The following CFAP251 variants were observed in gnomAD, a reference collection of about 807,000 sequenced individuals.
The protein encoded by CFAP251 is cilia and flagella associated protein 251, also known as cilia- and flagella-associated protein 251.
CFAP251 carries 93 observed loss-of-function variants against 126.7 expected under a neutral mutation model. The ratio of observed to expected loss-of-function variants is 0.73; its 90% confidence interval spans 0.62 to 0.87. CFAP251 has a LOEUF of 0.87. CFAP251 is among the 40% of genes least tolerant of loss of function. CFAP251 has a pLI of 0.00. For missense variants in CFAP251, 1,287 were observed against 1,389.2 expected (o/e 0.93, Z 1.17); for synonymous variants, 503 against 506.9 (o/e 0.99, Z 0.10).
intron 3 of CFAP251, among the ~76,000 whole-genome samples, chr12:121,924,954 C>G (rs185844128): frequency 1.2e-4 from 18 of 151,924 alleles, no homozygotes; most frequent in Admixed American, 1.1e-3. Context: ...GCTTCCTCTC[C>G]CTCTTCTTCC....
In CFAP251 at chr12:121,958,946, C is replaced by A; in HGVS notation, c.1985C>A (p.Ala662Asp). The change falls in exon 13 of 22, where the codon GCC becomes GAC. Residue 662 changes from alanine (A) to aspartate (D), a missense_variant. Coordinates refer to ENST00000288912, the MANE Select transcript of CFAP251 (RefSeq NM_144668.6). The part of the protein sequence containing the change: ...VQSLTYNPEG[A>D]LLGAGFTEGT... The stretch of plus-strand genomic sequence containing the variant: ...GTTCTCTGGCTTGTCATTTCAGGAG[C>A]CCTTCTTGGAGCTGGCTTTACAGAG... 6.3e-7 allele frequency: 1 copy of A among 1,581,216 alleles called. No individual in the cohort carries two copies. Among genetic ancestry groups the A allele is most frequent in the South Asian group, 1.2e-5 (1 of 84,780 alleles).
intron 19 of CFAP251, chr12:121,992,316 G>A (rs1882894695): frequency 1.0e-6 from 1 of 985,426 alleles, no homozygotes; most frequent in Non-Finnish European, 1.2e-6. Flanking sequence ...GGAAGGAAAT[G>A]TCAGTGATGC....
rs1880354655 is a variant in CFAP251 at position 121,924,979 on chromosome 12, C to T, written c.747+989C>T. Among the ~76,000 whole-genome samples the T allele has an allele frequency of 2.6e-5, 4 of 151,742 alleles. No homozygotes were observed. The Admixed American group carries it at 2.6e-4, about 10-fold the overall frequency. ...CCTCTTCTTCCCTTCCCTCTTCTTC[C>T]CCTCCCCTCTCCTTTCCCTTTTCTC... On this transcript the variant is annotated intron_variant, in intron 3 of 21. Transcript: ENST00000288912.
rs972820941 is a variant in CFAP251 at position 121,918,990 on chromosome 12, G to A, written c.-21+295G>A. ...AAGAGGCTCGGTGGTGAGAGCCCTAGACTTGATTCAGAGCAGTGATTTTTC... is the reference window on the plus strand; with the variant it reads ...AAGAGGCTCGGTGGTGAGAGCCCTAAACTTGATTCAGAGCAGTGATTTTTC... On this transcript the variant is annotated intron_variant, in intron 1 of 21. Transcript: ENST00000288912. This position sits in a 1 kb window ranked among gnomAD's most constrained non-coding sequence, Gnocchi z 4.3. Among the ~76,000 whole-genome samples, 2 of 152,110 alleles carry A rather than the reference G, an allele frequency of 1.3e-5. No homozygotes were observed. The highest frequency in any genetic ancestry group is 4.1e-4 in the South Asian group (2 of 4,828).
At chr12:121,967,646 A>G (rs187821244) in intron 16 of CFAP251, among the ~76,000 whole-genome samples, 31 of 152,286 alleles carry the variant, frequency 2.0e-4, no homozygotes, top group Non-Finnish European at 3.7e-4. Context: ...AGTTTGCAGT[A>G]AGCCGAGATC....
At chr12:121,939,618 G>A (rs936265614) in intron 5 of CFAP251, among the ~76,000 whole-genome samples, 1 of 150,814 alleles carries the variant, frequency 6.6e-6, no homozygotes, top group Admixed American at 6.6e-5. Flanking sequence ...AAATTTCACA[G>A]TAAAGCATAT....
rs1258384463 is a variant in CFAP251 at position 121,942,577 on chromosome 12, G to C, written c.1042G>C (p.Gly348Arg). 1 of 1,613,770 alleles carries C rather than the reference G, an allele frequency of 6.2e-7. No homozygotes were observed. The highest frequency in any genetic ancestry group is 8.5e-7 in the Non-Finnish European group (1 of 1,180,008). Residue 348 changes from glycine (G) to arginine (R), a missense_variant, in exon 6 of 22, where the codon GGC becomes CGC. Transcript: ENST00000288912. ...TIFDSCPEGN[G>R]IMAMAMTHDA... ...ATTTGACAGCTGCCCTGAAGGGAAT[G>C]GCATCATGGCCATGGCCATGACCCA...
rs374552548 is a variant in CFAP251, at chr12:121,959,122, A to T, written c.2133+28A>T. 1.2e-5 allele frequency: 19 copies of T among 1,554,058 alleles called. No individual in the cohort carries two copies. The African/African-American group carries it at 2.6e-4, about 21-fold the overall frequency. On this transcript the variant is annotated intron_variant, in intron 13 of 21. Coordinates refer to ENST00000288912, the MANE Select transcript of CFAP251 (RefSeq NM_144668.6). ...AAGTATTTTCATGGACAACCCATCC[A>T]GTGGCTTAGCAATTTTATTTGAAAC... is the stretch of plus-strand genomic sequence containing the variant.
intron 1 of CFAP251, 91 bp from the exon 2 acceptor site, chr12:121,921,195 T>G: frequency 7.3e-7 from 1 of 1,362,538 alleles, no homozygotes; most frequent in Non-Finnish European, 9.9e-7. Flanking sequence ...AACAGAGCCA[T>G]TTATGCACAT....
chr12:121,967,186 T>C, intron 16 of CFAP251, 117 bp downstream of exon 16: 1 of 862,420 alleles, frequency 1.2e-6, no homozygotes, highest in Non-Finnish European at 1.9e-6. Context: ...CCCAACTGCT[T>C]CCACCCCAGT....
At chr12:121,921,142 C>A in intron 1 of CFAP251, 144 bp from the exon 2 acceptor site, 1 of 932,208 alleles carries the variant, frequency 1.1e-6, no homozygotes, top group East Asian at 2.8e-5. Flanking sequence ...AGCCACCGTG[C>A]CTGGTCAGAA....
intron 17 of CFAP251, chr12:121,972,128 T>C (rs991409451): frequency 1.2e-5 from 2 of 166,510 alleles, no homozygotes; most frequent in Admixed American, 6.0e-5. Context: ...TATAGTACAT[T>C]GGTACCAGTA....
chr12:121,968,799 C>G (rs1358693307), intron 17 of CFAP251: 1 of 647,216 alleles, frequency 1.5e-6, no homozygotes, highest in Non-Finnish European at 1.9e-6. Context: ...CTGTAAAGAT[C>G]AGGTAGTTTA....
At chr12:121,985,300 G>A (rs12814610) in intron 19 of CFAP251, among the ~76,000 whole-genome samples, 1 of 152,030 alleles carries the variant, frequency 6.6e-6, no homozygotes, top group Non-Finnish European at 1.5e-5. Flanking sequence ...TTGGGAGGCC[G>A]AGGTGGGAGG....
At chr12:121,960,827 C>T in intron 14 of CFAP251, 69 bp downstream of exon 14, 1 of 1,539,266 alleles carries the variant, frequency 6.5e-7, no homozygotes. Flanking sequence ...TCCCTGGCAT[C>T]TTGCATAGAG....
At chr12:122,000,010 T>G in intron 20 of CFAP251, 66 bp downstream of exon 20, 1 of 1,429,140 alleles carries the variant, frequency 7.0e-7, no homozygotes, top group Non-Finnish European at 9.7e-7. Context: ...GAACTGAGTT[T>G]GGGGAGCCAG....
rs1400761922 is a variant in CFAP251 at position 121,923,047 on chromosome 12, G to C, written c.379-575G>C. 3.3e-5 allele frequency among the ~76,000 whole-genome samples: 5 copies of C among 151,960 alleles called. No homozygotes were observed. The East Asian group carries it at 9.7e-4, about 29-fold the overall frequency. ...CCTGACCTCGTGATCTGCCCGCCTCGGCCTCCCAAAGTGCTGGGATTACAG... is the reference window on the plus strand; with the variant it reads ...CCTGACCTCGTGATCTGCCCGCCTCCGCCTCCCAAAGTGCTGGGATTACAG... On this transcript the variant is annotated intron_variant, in intron 2 of 21. Coordinates refer to ENST00000288912, the MANE Select transcript of CFAP251 (RefSeq NM_144668.6).
chr12:121,958,349 T>G lies in CFAP251; in HGVS notation c.1808T>G (p.Val603Gly). Reference protein sequence around the residue: ...TDGTKLEKLFVEPKDAICAIS... With the variant: ...TDGTKLEKLFGEPKDAICAIS... ...GGGACCAAACTTGAGAAGTTATTTGTAGAGCCCAAGGATGCCATTTGTGCC... is the reference window on the plus strand; with the variant it reads ...GGGACCAAACTTGAGAAGTTATTTGGAGAGCCCAAGGATGCCATTTGTGCC... Residue 603 changes from valine (V) to glycine (G), a missense_variant, in exon 12 of 22, where the codon GTA becomes GGA. Transcript: ENST00000288912. The G allele has an allele frequency of 6.2e-7, 1 of 1,614,192 alleles. No individual in the cohort carries two copies. The highest frequency in any genetic ancestry group is 8.5e-7 in the Non-Finnish European group (1 of 1,180,040).
rs749338514 is a variant in CFAP251, at chr12:121,954,334, G to C, written c.1535G>C (p.Ser512Thr). The C allele has an allele frequency of 6.2e-6, 10 of 1,601,126 alleles. No homozygotes were observed. In the South Asian group the frequency reaches 1.0e-4, roughly 16 times the overall value. ...EGITVLTTID[S>T]YIVTGDIKGN... Reference sequence around the variant, plus strand: ...ATCACGGTACTTACCACAATTGATAGGTAATTTTAACTTAATTAAAAGATA... The same window carrying C: ...ATCACGGTACTTACCACAATTGATACGTAATTTTAACTTAATTAAAAGATA... Residue 512 changes from serine (S) to threonine (T), a missense_variant and splice_region_variant, in exon 10 of 22, where the codon AGC becomes ACC. Coordinates refer to ENST00000288912, the MANE Select transcript of CFAP251 (RefSeq NM_144668.6).
Sources: gnomAD v4.1 joint callset for allele counts (sites outside exome capture counted in the v4.1 genomes callset) on GRCh38, gnomAD v4.1.1 for gene constraint, Gnocchi (gnomAD v3.1) non-coding constraint, MANE v1.5 for transcripts, NCBI Gene and HGNC (gene_info 2026-07-23, HGNC 2026-07-21) for gene names.